Variants in GRIP1 observed in about 807,000 individuals in gnomAD.
GRIP1 encodes the protein glutamate receptor-interacting protein 1.
A neutral mutation model predicts 129.9 loss-of-function variants in GRIP1; 45 were observed. The observed-to-expected ratio is 0.35, with a 90% confidence interval of 0.27 to 0.44. GRIP1 has a LOEUF of 0.44. Ranked by LOEUF, GRIP1 falls within the 20% of genes least tolerant of loss-of-function variation. GRIP1 has a pLI of 1.00. For missense variants in GRIP1, 1,196 were observed against 1,396.8 expected (o/e 0.86, Z 2.29); for synonymous variants, 530 against 520.8 (o/e 1.02, Z -0.24).
At chr12:66,598,687 T>C (rs547438166) in intron 1 of GRIP1, among the ~76,000 whole-genome samples, 2 of 152,354 alleles carry the variant, frequency 1.3e-5, no homozygotes, top group African/African-American at 2.4e-5. Context: ...GGATTCTTTA[T>C]AAGACTGCTT....
At chr12:66,841,321 A>C (rs2039712069) in intron 1 of GRIP1, among the ~76,000 whole-genome samples, 1 of 152,156 alleles carries the variant, frequency 6.6e-6, no homozygotes, top group Admixed American at 6.5e-5. Context: ...CCTTGTCCTC[A>C]GAGAGCATAC....
chr12:66,971,282 G>C (rs781005040), intron 1 of GRIP1, among the ~76,000 whole-genome samples: 5 of 152,178 alleles, frequency 3.3e-5, no homozygotes, highest in Non-Finnish European at 7.4e-5. Flanking sequence ...AACTTACCAA[G>C]TTTTACTTGC....
intron 1 of GRIP1, among the ~76,000 whole-genome samples, chr12:66,859,496 C>T (rs993920822): frequency 6.6e-6 from 1 of 151,640 alleles, no homozygotes; most frequent in Non-Finnish European, 1.5e-5. Context: ...ATAAATAATA[C>T]AAGTAGAAAA....
At chr12:66,427,821 G>A (rs1358095441) in intron 14 of GRIP1, among the ~76,000 whole-genome samples, 1 of 152,116 alleles carries the variant, frequency 6.6e-6, no homozygotes, top group Non-Finnish European at 1.5e-5. Flanking sequence ...TTTAGACAAA[G>A]CCCTGCTTCT....
In GRIP1 at chr12:66,791,551, T is replaced by C. The variant is rs191699591; in HGVS notation, c.-420+12502A>G. Among the ~76,000 whole-genome samples the C allele has an allele frequency of 5.2e-3, 797 of 152,204 alleles. 13 individuals carry two copies. Among genetic ancestry groups the C allele is most frequent in the African/African-American group, 0.018 (729 of 41,540 alleles). On this transcript the variant is annotated intron_variant, in intron 1 of 4. Coordinates refer to the GRIP1 transcript ENST00000538373. ...GGTTTGATGGAGCTAAGGTTGAGCA[T>C]TGGCAGGGTTGTAAGGATGAAGTCT...
In GRIP1 at chr12:66,391,433, T is replaced by C. The variant is rs138511265; in HGVS notation, c.2464+875A>G. Among the ~76,000 whole-genome samples the C allele has an allele frequency of 6.6e-5, 10 of 152,376 alleles. No individual in the cohort carries two copies. In the East Asian group the frequency reaches 1.9e-3, roughly 29 times the overall value. ...TGCTCTGTATTCAGTCTGACACCTT[T>C]TATGTGTTTATATTCCATGAGTGAG... is the stretch of plus-strand genomic sequence containing the variant. On this transcript the variant is annotated intron_variant, in intron 19 of 24. Coordinates refer to ENST00000359742, the MANE Select transcript of GRIP1 (RefSeq NM_001366722.1).
intron 7 of GRIP1, 38 bp downstream of exon 7, chr12:66,515,581 T>G: frequency 6.3e-7 from 1 of 1,582,308 alleles, no homozygotes; most frequent in Non-Finnish European, 8.7e-7. Context: ...AGTGACGTTC[T>G]GGTGCTTAGA....
At chr12:66,977,852 A>G (rs1417838354) in intron 1 of GRIP1, among the ~76,000 whole-genome samples, 2 of 96,860 alleles carry the variant, frequency 2.1e-5, no homozygotes, top group African/African-American at 4.3e-5. Flanking sequence ...TTGCTCTTTC[A>G]TCCAGTTTGG....
chr12:66,853,100 T>C (rs74849923), intron 1 of GRIP1, among the ~76,000 whole-genome samples: 1 of 151,542 alleles, frequency 6.6e-6, no homozygotes, highest in Non-Finnish European at 1.5e-5. Flanking sequence ...GAGCTTGGAG[T>C]GCATGTCTCA....
At chr12:66,437,856 TG>T (rs1366405300) in intron 13 of GRIP1, among the ~76,000 whole-genome samples, 1 of 152,224 alleles carries the variant, frequency 6.6e-6, no homozygotes, top group Admixed American at 6.5e-5. Context: ...TGCTTCATCC[TG>T]GTAACATCTC....
rs2061796823 is a variant in GRIP1 at position 66,542,010 on chromosome 12, T to C, written c.137-60A>G. ...AGAGTAGAATCACCAATGTCATTTC[T>C]CCTCCCCAGAAGTTCTTTCCACTTT... On this transcript the variant is annotated intron_variant, in intron 2 of 24. Coordinates refer to ENST00000359742, the MANE Select transcript of GRIP1 (RefSeq NM_001366722.1). 2.0e-6 allele frequency: 3 copies of C among 1,482,644 alleles called. No homozygotes were observed. The East Asian group carries it at 6.8e-5, about 34-fold the overall frequency. The allele number at this position is 1,482,644 out of a possible 1,614,324, so 91.8% of individuals were successfully genotyped here.
chr12:66,913,811 G>GAATTA (rs1258428432), intron 1 of GRIP1, among the ~76,000 whole-genome samples: 1 of 152,046 alleles, frequency 6.6e-6, no homozygotes, highest in Non-Finnish European at 1.5e-5. Context: ...AATGAAAATG[G>GAATTA]AATGACATTA....
chr12:66,731,693 G>A (rs558139746), intron 1 of GRIP1, among the ~76,000 whole-genome samples: 1 of 152,192 alleles, frequency 6.6e-6, no homozygotes, highest in Non-Finnish European at 1.5e-5. Flanking sequence ...AACTATGGGA[G>A]ATGTGCAACA....
At chr12:67,061,109 A>G (rs2135888172) in intron 1 of GRIP1, among the ~76,000 whole-genome samples, 1 of 152,328 alleles carries the variant, frequency 6.6e-6, no homozygotes, top group Non-Finnish European at 1.5e-5. Flanking sequence ...TTATTTTGTT[A>G]CAAATGGGAG....
chr12:67,068,036 A>T (rs1258546933), intron 1 of GRIP1, among the ~76,000 whole-genome samples: 1 of 152,208 alleles, frequency 6.6e-6, no homozygotes, highest in African/African-American at 2.4e-5. Context: ...GGACCTTGCC[A>T]GCCAGCGTTC....
At chr12:66,815,719 A>T (rs2039194831) in intron 1 of GRIP1, among the ~76,000 whole-genome samples, 1 of 152,064 alleles carries the variant, frequency 6.6e-6, no homozygotes. Flanking sequence ...AGCCAAGATC[A>T]TGCTGCTGCA....
intron 1 of GRIP1, among the ~76,000 whole-genome samples, chr12:66,603,450 A>G (rs942907486): frequency 6.6e-6 from 1 of 152,204 alleles, no homozygotes; most frequent in African/African-American, 2.4e-5. Context: ...ATACCTGGGA[A>G]CTGTCAAAAA....
At chr12:66,859,037 G>A (rs1188901551) in intron 1 of GRIP1, among the ~76,000 whole-genome samples, 1 of 151,750 alleles carries the variant, frequency 6.6e-6, no homozygotes, top group East Asian at 1.9e-4. Context: ...TAATCCCTAT[G>A]AATCTGTCCA....
At chr12:66,577,095 T>C (rs568770675) in intron 2 of GRIP1, among the ~76,000 whole-genome samples, 1 of 152,156 alleles carries the variant, frequency 6.6e-6, no homozygotes, top group Non-Finnish European at 1.5e-5. Flanking sequence ...TAGCAGGATA[T>C]GGAAAACATG....
Sources: gnomAD v4.1 joint callset for allele counts (sites outside exome capture counted in the v4.1 genomes callset) on GRCh38, gnomAD v4.1.1 for gene constraint, MANE v1.5 for transcripts, NCBI Gene and HGNC (gene_info 2026-07-23, HGNC 2026-07-21) for gene names.